Variants in ASIC2 observed in about 807,000 individuals in gnomAD.
ASIC2 encodes acid sensing ion channel subunit 2.
In ASIC2, 25 loss-of-function variants were observed where a neutral mutation model predicts 57.3. That is an observed-to-expected ratio of 0.44 (90% CI 0.32 to 0.61). The LOEUF (loss-of-function observed/expected upper bound fraction) is 0.61, where lower values mean the gene tolerates loss of function less well. ASIC2 is among the 20% of genes least tolerant of loss of function. The probability of loss-of-function intolerance (pLI) is 0.06; values close to 1 mark genes in which losing one functional copy is unlikely to be tolerated. For missense variants in ASIC2, 641 were observed against 738.1 expected, an observed-to-expected ratio of 0.87 and a Z score of 1.52; for synonymous variants, 319 against 307.5, an observed-to-expected ratio of 1.04 and a Z score of -0.39.
intron 1 of ASIC2, among the ~76,000 whole-genome samples, chr17:33,912,137 C>CA (rs34408257): frequency 0.013 from 662 of 49,356 alleles, 10 homozygotes; most frequent in Non-Finnish European, 0.015. Context: ...GAGACTCCGT[C>CA]AAAAAAAAAA....
chr17:33,917,024 C>T (rs915279825), intron 1 of ASIC2, among the ~76,000 whole-genome samples: 2 of 152,118 alleles, frequency 1.3e-5, no homozygotes, highest in Admixed American at 1.3e-4. Flanking sequence ...ATTGAACAAG[C>T]CCACTACTGA....
intron 1 of ASIC2, among the ~76,000 whole-genome samples, chr17:34,078,104 T>A (rs560635308): frequency 2.4e-4 from 37 of 152,266 alleles, no homozygotes; most frequent in Admixed American, 2.1e-3. Flanking sequence ...ACACTGGCCA[T>A]CTTCTCAGTA....
At chr17:33,438,446 G>C (rs1911704725) in intron 1 of ASIC2, among the ~76,000 whole-genome samples, 1 of 152,106 alleles carries the variant, frequency 6.6e-6, no homozygotes, top group Non-Finnish European at 1.5e-5. Flanking sequence ...CACTCTCCAG[G>C]ACCAACTTGC....
intron 1 of ASIC2, among the ~76,000 whole-genome samples, chr17:33,195,673 G>A (rs1279869855): frequency 6.6e-6 from 1 of 152,120 alleles, no homozygotes; most frequent in Non-Finnish European, 1.5e-5. Flanking sequence ...TGGGTCAGAG[G>A]ACACACACGA....
intron 1 of ASIC2, among the ~76,000 whole-genome samples, chr17:34,099,263 G>C (rs971447118): frequency 7.6e-6 from 1 of 131,648 alleles, no homozygotes; most frequent in Non-Finnish European, 1.6e-5. Flanking sequence ...GGAGGGAAAA[G>C]AAAGAAAGAG....
intron 1 of ASIC2, among the ~76,000 whole-genome samples, chr17:33,317,930 G>A (rs1906722970): frequency 7.2e-6 from 1 of 138,834 alleles, no homozygotes; most frequent in Admixed American, 7.2e-5. Context: ...TGTGTGTGTA[G>A]GATATGTTTA....
At chr17:33,885,703 C>T (rs1914812114) in intron 1 of ASIC2, among the ~76,000 whole-genome samples, 1 of 152,144 alleles carries the variant, frequency 6.6e-6, no homozygotes. Flanking sequence ...ATTATTATGT[C>T]CAATTAAAAG....
chr17:33,042,453 A>C (rs1375922491), intron 3 of ASIC2, among the ~76,000 whole-genome samples: 2 of 152,248 alleles, frequency 1.3e-5, no homozygotes, highest in Non-Finnish European at 2.9e-5. Context: ...CTACTTGCCC[A>C]AAAGACTCAC....
In ASIC2 at chr17:33,871,448, CTTCACT is replaced by C. The variant is rs559169964; in HGVS notation, c.555+284524_555+284529del. Among the ~76,000 whole-genome samples, 10 of 152,332 alleles carry C rather than the reference CTTCACT, an allele frequency of 6.6e-5. No individual in the cohort carries two copies. In the South Asian group the frequency reaches 2.1e-3, roughly 32 times the overall value. On this transcript the variant is annotated intron_variant, in intron 1 of 9. Coordinates refer to the ASIC2 transcript ENST00000359872. ...ACCCCACCTCCTTCTCCCTGCTCAT[CTTCACT>C]TTCTGACTTTCCCAGTTTCCAGGAT...
intron 1 of ASIC2, among the ~76,000 whole-genome samples, chr17:33,130,465 G>C (rs568063968): frequency 6.6e-6 from 1 of 152,264 alleles, no homozygotes; most frequent in South Asian, 2.1e-4. Flanking sequence ...ACACATACAC[G>C]CTAATTATTA....
intron 1 of ASIC2, among the ~76,000 whole-genome samples, chr17:33,487,736 G>A (rs1224512220): frequency 3.3e-5 from 5 of 152,200 alleles, no homozygotes; most frequent in Non-Finnish European, 7.3e-5. Context: ...GAATAAAGAA[G>A]GCAGAAGATG....
At chr17:33,583,997 A>C (rs746426927) in intron 1 of ASIC2, among the ~76,000 whole-genome samples, 3 of 152,160 alleles carry the variant, frequency 2.0e-5, no homozygotes, top group Non-Finnish European at 4.4e-5. Context: ...TCTCAGCCAG[A>C]GCTACAGGCC....
Position 33,562,161 on chromosome 17 carries a change from G to A in ASIC2, c.556-450094C>T, listed in dbSNP as rs143797164. Among the ~76,000 whole-genome samples, 539 of 152,214 alleles carry A rather than the reference G, an allele frequency of 3.5e-3. 8 individuals are homozygous for A. Among genetic ancestry groups the A allele is most frequent in the African/African-American group, 0.012 (512 of 41,532 alleles). On this transcript the variant is annotated intron_variant, in intron 1 of 9. Coordinates refer to the ASIC2 transcript ENST00000359872. ...TTGTGAAACCCTCTTCAACTTGTAC[G>A]GGCCAAATGCCCCTTTCACCTTTCT...
chr17:33,138,083 C>T (rs1452245717), intron 1 of ASIC2, among the ~76,000 whole-genome samples: 1 of 152,106 alleles, frequency 6.6e-6, no homozygotes, highest in Non-Finnish European at 1.5e-5. Flanking sequence ...GTTTGGGGGA[C>T]AGAGGGTCCT....
intron 1 of ASIC2, among the ~76,000 whole-genome samples, chr17:34,015,469 A>G (rs1168135488): frequency 1.3e-5 from 2 of 152,246 alleles, no homozygotes; most frequent in East Asian, 3.9e-4. Flanking sequence ...CCATCCGGCC[A>G]GGCCATGTAT....
rs759850922 is a variant in ASIC2 at position 33,779,967 on chromosome 17, C to CTTTTTTTTTT, written c.555+376001_555+376010dup. Among the ~76,000 whole-genome samples the CTTTTTTTTTT allele has an allele frequency of 4.2e-4, 36 of 85,182 alleles. 4 individuals carry two copies. The highest frequency in any genetic ancestry group is 1.4e-3 in the African/African-American group (30 of 20,746). 55.9% of individuals were successfully genotyped at this position (85,182 alleles called of 152,430 possible). The stretch of plus-strand genomic sequence containing the variant: ...TAGACCCAGGTCTGGCTACAGAAGC[C>CTTTTTTTTTT]TTTTTTTTTTTTTTTTTTTTTGAGA... On this transcript the variant is annotated intron_variant, in intron 1 of 9. Transcript: ENST00000359872.
rs1160721909 is a variant in ASIC2 at position 33,062,140 on chromosome 17, G to GT, written c.987+26722dup. Among the ~76,000 whole-genome samples, 21 of 152,242 alleles carry GT rather than the reference G, an allele frequency of 1.4e-4. 1 individual carries two copies. Among genetic ancestry groups the GT allele is most frequent in the Admixed American group, 1.3e-3 (20 of 15,296 alleles). On this transcript the variant is annotated intron_variant, in intron 3 of 9. Coordinates refer to ENST00000225823, the MANE Select transcript of ASIC2 (RefSeq NM_183377.2). ...CCTGGATTCACTGATTTTTTGAAGGGTTTTTTGTGTCTCTATCTCCTTCAG... is the reference window on the plus strand; with the variant it reads ...CCTGGATTCACTGATTTTTTGAAGGGTTTTTTTGTGTCTCTATCTCCTTCAG...
chr17:33,613,651 G>C (rs527990627), intron 1 of ASIC2, among the ~76,000 whole-genome samples: 1 of 152,270 alleles, frequency 6.6e-6, no homozygotes, highest in South Asian at 2.1e-4. Context: ...ACAGGCGTGA[G>C]CCACCGCGCC....
chr17:33,629,226 C>T (rs527467474), intron 1 of ASIC2, among the ~76,000 whole-genome samples: 1 of 151,558 alleles, frequency 6.6e-6, no homozygotes, highest in Non-Finnish European at 1.5e-5. Context: ...TTCTTCCCTG[C>T]TCTCTGCCAG....
Sources: gnomAD v4.1 joint callset for allele counts (sites outside exome capture counted in the v4.1 genomes callset) on GRCh38, gnomAD v4.1.1 for gene constraint, MANE v1.5 for transcripts, NCBI Gene and HGNC (gene_info 2026-07-23, HGNC 2026-07-21) for gene names.